Variants in PFKP observed in about 807,000 individuals in gnomAD.
PFKP encodes the protein ATP-dependent 6-phosphofructokinase, platelet type.
In PFKP, 101 loss-of-function variants were observed where a neutral mutation model predicts 94.3. The ratio of observed to expected loss-of-function variants is 1.07; its 90% confidence interval spans 0.91 to 1.26. PFKP has a LOEUF of 1.26. Among genes scored for constraint, PFKP ranks in the 50% most tolerant of loss-of-function variants. The pLI is 0.00. For missense variants in PFKP, 1,145 were observed against 1,103.3 expected (o/e 1.04, Z -0.53); for synonymous variants, 573 against 432.6 (o/e 1.32, Z -4.03).
rs200372574 is a variant in PFKP, at chr10:3,133,496, G to A, written c.2022+182G>A. On this transcript the variant is annotated intron_variant, in intron 19 of 21. Coordinates refer to ENST00000381125, the MANE Select transcript of PFKP (RefSeq NM_002627.5). ...CCCAGGCTGGAGTGCAGTGGTACAAGCTTGGCTCACTGCAACCTCCACCTT... is the reference window on the plus strand; with the variant it reads ...CCCAGGCTGGAGTGCAGTGGTACAAACTTGGCTCACTGCAACCTCCACCTT... Among the ~76,000 whole-genome samples, 14 of 152,292 alleles carry A rather than the reference G, an allele frequency of 9.2e-5. No homozygotes were observed. In the East Asian group the frequency reaches 2.5e-3, roughly 27 times the overall value.
In PFKP at chr10:3,101,246, A is replaced by G. The variant is rs998510583; in HGVS notation, c.265-119A>G. ...TTTCATAGCTAGTTACTAACTCACA[A>G]GATGAAAATGAGAAAAATGTAAATT... On this transcript the variant is annotated intron_variant, in intron 3 of 21. Coordinates refer to ENST00000381125, the MANE Select transcript of PFKP (RefSeq NM_002627.5). 5 of 878,136 alleles carry G rather than the reference A, an allele frequency of 5.7e-6. No homozygotes were observed. The African/African-American group carries it at 8.5e-5, about 15-fold the overall frequency. 54.4% of individuals were successfully genotyped at this position (878,136 alleles called of 1,614,324 possible). A position where few individuals can be genotyped will look rare whatever the true frequency, so the allele number is the denominator to read the frequency against.
intron 16 of PFKP, among the ~76,000 whole-genome samples, chr10:3,122,582 C>G (rs71477810): frequency 6.6e-6 from 1 of 152,146 alleles, no homozygotes; most frequent in South Asian, 2.1e-4. Context: ...GGCAACTGGA[C>G]GTGGATGGCT....
At chr10:3,131,671 C>G (rs1000799440) in intron 17 of PFKP, among the ~76,000 whole-genome samples, 1 of 152,032 alleles carries the variant, frequency 6.6e-6, no homozygotes, top group Non-Finnish European at 1.5e-5. Flanking sequence ...GTTGGCCAGG[C>G]TGCTCTCAAA....
At chr10:3,106,588 TTCACCCCTGCCCCTCTCC>T in intron 7 of PFKP, among the ~76,000 whole-genome samples, 2 of 113,788 alleles carry the variant, frequency 1.8e-5, no homozygotes, top group South Asian at 3.0e-4. Context: ...GCCCTGCTCC[TTCACCCCTGCCCCTCTCC>T]TCACCCCTGC....
intron 1 of PFKP, among the ~76,000 whole-genome samples, chr10:3,076,131 CTGTT>C (rs1832572130): frequency 6.6e-6 from 1 of 151,494 alleles, no homozygotes; most frequent in African/African-American, 2.4e-5. Context: ...ATATTTTACA[CTGTT>C]TTCCGTAGTA....
intron 8 of PFKP, chr10:3,107,873 G>A (rs1261206958): frequency 2.3e-6 from 3 of 1,288,578 alleles, no homozygotes; most frequent in Non-Finnish European, 3.0e-6. Context: ...TGATACCATG[G>A]GCTGTGCCCC....
intron 1 of PFKP, among the ~76,000 whole-genome samples, chr10:3,077,261 C>CTTTTTTTTTTTTTTTTTTTTTTTTTTTTT (rs34485324): frequency 2.4e-4 from 20 of 84,262 alleles, no homozygotes; most frequent in Admixed American, 3.3e-4. Context: ...TTTTTTTTTT[C>CTTTTTTTTTTTTTTTTTTTTTTTTTTTTT]TTTTTTTTTT....
intron 3 of PFKP, chr10:3,101,051 C>A: frequency 1.4e-6 from 2 of 1,439,008 alleles, no homozygotes; most frequent in Non-Finnish European, 9.8e-7. Flanking sequence ...GCTCGTTGGC[C>A]GGTGCTGAGG....
chr10:3,132,524 T>A, intron 18 of PFKP, 83 bp downstream of exon 18: 2 of 973,114 alleles, frequency 2.1e-6, no homozygotes, highest in Non-Finnish European at 3.3e-6. Context: ...TTGGGCTGGA[T>A]GAGTGGTCAT....
chr10:3,068,066 G>C (rs1030921554), intron 1 of PFKP, among the ~76,000 whole-genome samples: 1 of 152,218 alleles, frequency 6.6e-6, no homozygotes, highest in African/African-American at 2.4e-5. Context: ...ACCTGGCAGA[G>C]GGAGTCGCCT....
intron 1 of PFKP, among the ~76,000 whole-genome samples, chr10:3,073,972 G>C (rs1832393167): frequency 6.6e-6 from 1 of 152,096 alleles, no homozygotes; most frequent in Non-Finnish European, 1.5e-5. Flanking sequence ...CAAGTAGCTG[G>C]GATTACAGGC....
chr10:3,107,741 C>T (rs1285367312), intron 8 of PFKP: 5 of 822,860 alleles, frequency 6.1e-6, no homozygotes, highest in Middle Eastern at 6.3e-4. Flanking sequence ...ATCAGCTGAG[C>T]ACATTCTTAC....
intron 9 of PFKP, 117 bp downstream of exon 9, chr10:3,108,910 G>A (rs1835889814): frequency 6.6e-6 from 5 of 757,702 alleles, no homozygotes; most frequent in Admixed American, 2.0e-5. Flanking sequence ...AGATGCCCGC[G>A]GCCCGGCCCT....
rs1025692852 is a variant in PFKP at position 3,087,431 on chromosome 10, G to A, written c.186+4970G>A. On this transcript the variant is annotated intron_variant, in intron 2 of 21. Transcript: ENST00000381125. ...AGCGCCTCTTCCTGCCCCTGCCCTC[G>A]GTGGGGAAGGAGGGGTTCTGACTCT... Among the ~76,000 whole-genome samples, 11 of 152,274 alleles carry A rather than the reference G, an allele frequency of 7.2e-5. No individual in the cohort carries two copies. In the South Asian group the frequency reaches 1.0e-3, roughly 14 times the overall value.
chr10:3,120,369 C>CTGTGTGTG (rs3841457), intron 16 of PFKP, among the ~76,000 whole-genome samples: 61 of 108,578 alleles, frequency 5.6e-4, no homozygotes, highest in African/African-American at 1.8e-3. Flanking sequence ...TTAAAAATCG[C>CTGTGTGTG]TGTGTGTGTG....
chr10:3,102,888 C>T (rs146685609), intron 4 of PFKP, among the ~76,000 whole-genome samples: 2,003 of 152,370 alleles, frequency 0.013, 30 homozygotes, highest in Non-Finnish European at 0.018. Context: ...ACGGTTCCCG[C>T]TTGTCCACCT....
chr10:3,099,824 G>A (rs1417183556), intron 3 of PFKP, among the ~76,000 whole-genome samples: 7 of 151,984 alleles, frequency 4.6e-5, no homozygotes, highest in Non-Finnish European at 7.4e-5. Flanking sequence ...GTTGAAGTGC[G>A]TATGTGTATC....
In PFKP at chr10:3,109,316, C is replaced by T. The variant is rs2306298; in HGVS notation, c.964-39C>T. 143 of 1,603,942 alleles carry T rather than the reference C, an allele frequency of 8.9e-5. 1 individual carries two copies. The East Asian group carries it at 1.6e-3, about 18-fold the overall frequency. ...AGGAGGTGACAGGGACAGGGCAGGA[C>T]GGGAGGCTGCCCCTGACCCACATGG... is the stretch of plus-strand genomic sequence containing the variant. On this transcript the variant is annotated intron_variant, in intron 9 of 21. Coordinates refer to ENST00000381125, the MANE Select transcript of PFKP (RefSeq NM_002627.5).
intron 2 of PFKP, among the ~76,000 whole-genome samples, chr10:3,092,973 G>T (rs1834167686): frequency 2.0e-5 from 3 of 151,246 alleles, no homozygotes; most frequent in Admixed American, 1.3e-4. Context: ...GTGTGGATGG[G>T]GGTAGGGGGG....
Sources: gnomAD v4.1 joint callset for allele counts (sites outside exome capture counted in the v4.1 genomes callset) on GRCh38, gnomAD v4.1.1 for gene constraint, MANE v1.5 for transcripts, NCBI Gene and HGNC (gene_info 2026-07-23, HGNC 2026-07-21) for gene names.